The following MTCL1 variants were observed in gnomAD, a reference collection of about 807,000 sequenced individuals.
MTCL1 encodes the protein microtubule cross-linking factor 1.
Under a neutral mutation model 141.4 loss-of-function variants are expected in MTCL1, and 79 were observed. The ratio of observed to expected loss-of-function variants is 0.56; its 90% confidence interval spans 0.47 to 0.67. The LOEUF is 0.67. MTCL1 is among the 30% of genes least tolerant of loss of function. The pLI, the probability that MTCL1 is intolerant of heterozygous loss-of-function variation, is 0.00. For synonymous variants in MTCL1, 914 were observed against 875.8 expected, an observed-to-expected ratio of 1.04 and a Z score of -0.77; for missense variants, 2,177 against 2,113.9, an observed-to-expected ratio of 1.03 and a Z score of -0.59.
exon 15 of MTCL1, chr18:8,825,641 G>A: frequency 6.2e-7 from 1 of 1,613,946 alleles, no homozygotes; most frequent in East Asian, 2.2e-5. Context: ...TCGAGAAGGT[G>A]CAGGCCAAGT....
At chr18:8,755,433 A>G (rs1413276496) in intron 4 of MTCL1, among the ~76,000 whole-genome samples, 2 of 152,196 alleles carry the variant, frequency 1.3e-5, no homozygotes, top group East Asian at 3.8e-4. Context: ...CCAGTCTTGC[A>G]GCGTGTGTGA....
chr18:8,825,212 G>A (rs763884834), exon 15 of MTCL1: 4 of 1,595,574 alleles, frequency 2.5e-6, no homozygotes, highest in South Asian at 1.1e-5. Flanking sequence ...CAGAACCCAT[G>A]CTCAGCAGGT....
In MTCL1 at chr18:8,810,508, T is replaced by C. The variant is rs1185739830; in HGVS notation, c.2605-2471T>C. Among the ~76,000 whole-genome samples the C allele has an allele frequency of 6.6e-6, 1 of 151,906 alleles. No individual in the cohort carries two copies. ...TCTTCACAAAGCGGGTGAGCAGAAG[T>C]GATGTGGGGCCCAGGAAGGGGTACG... On this transcript the variant is annotated intron_variant, in intron 11 of 16. Transcript: ENST00000359865. The surrounding 1 kb of genome is among the most constrained non-coding windows in gnomAD (Gnocchi z 5.0).
intron 4 of MTCL1, among the ~76,000 whole-genome samples, chr18:8,729,079 T>C (rs1275631031): frequency 6.6e-6 from 1 of 151,954 alleles, no homozygotes; most frequent in Non-Finnish European, 1.5e-5. Context: ...AAGGTCTTGC[T>C]GTCTCCCAGG....
chr18:8,827,497 C>A (rs2077063475), intron 15 of MTCL1, among the ~76,000 whole-genome samples: 1 of 152,214 alleles, frequency 6.6e-6, no homozygotes, highest in South Asian at 2.1e-4. Flanking sequence ...AGATCTGAGT[C>A]TTTGTGATAA....
chr18:8,818,905 A>G, intron 12 of MTCL1, 58 bp from the exon 12 acceptor site: 1 of 1,520,832 alleles, frequency 6.6e-7, no homozygotes, highest in East Asian at 2.3e-5. Context: ...CGATGTTCTT[A>G]GGGAGACCAT....
chr18:8,744,514 TCTC>T (rs773169353), intron 4 of MTCL1, among the ~76,000 whole-genome samples: 28 of 152,332 alleles, frequency 1.8e-4, no homozygotes, highest in Non-Finnish European at 3.1e-4. Flanking sequence ...GATAAAAACT[TCTC>T]CTGGTTTTCA....
chr18:8,711,128 G>C (rs1409034628), intron 1 of MTCL1, among the ~76,000 whole-genome samples: 217 of 136,844 alleles, frequency 1.6e-3, no homozygotes, highest in South Asian at 2.4e-3. Context: ...CTATGAGTGA[G>C]AATATGCGGT....
chr18:8,784,931 A>G, intron 6 of MTCL1, 88 bp downstream of exon 5: 6 of 1,215,862 alleles, frequency 4.9e-6, no homozygotes, highest in East Asian at 2.5e-5. Flanking sequence ...CACGCTGCTC[A>G]CGGCTGCTTG....
At chr18:8,717,933 T>C in exon 2 of MTCL1, 2 of 998,562 alleles carry the variant, frequency 2.0e-6, no homozygotes, top group African/African-American at 1.7e-5. Flanking sequence ...AGATGCGTCT[T>C]GTGGAACAGA....
exon 7 of MTCL1, chr18:8,786,054 G>A (rs1376403241): frequency 1.3e-6 from 2 of 1,595,668 alleles, no homozygotes; most frequent in East Asian, 2.3e-5. Context: ...GACACCGGGA[G>A]CCACGGGCTG....
At chr18:8,713,970 A>G (rs1389676467), upstream of MTCL1, among the ~76,000 whole-genome samples, 1 of 152,172 alleles carries the variant, frequency 6.6e-6, no homozygotes, top group African/African-American at 2.4e-5. Context: ...AGGGGCACGG[A>G]TATCTTTACC....
upstream of MTCL1, among the ~76,000 whole-genome samples, chr18:8,717,069 C>T (rs144110805): frequency 5.7e-3 from 873 of 152,332 alleles, 12 homozygotes; most frequent in Non-Finnish European, 7.7e-3. Flanking sequence ...TAAGTGTTCA[C>T]TGGCGCACCT....
Position 8,765,898 on chromosome 18 carries a change from T to A in MTCL1, c.358-11935T>A, listed in dbSNP as rs369820182. 2.0e-5 allele frequency among the ~76,000 whole-genome samples: 3 copies of A among 152,184 alleles called. No homozygotes were observed. In the South Asian group the frequency reaches 6.2e-4, roughly 32 times the overall value. On this transcript the variant is annotated intron_variant, in intron 4 of 16. Coordinates refer to ENST00000359865, the Ensembl canonical transcript of MTCL1. ...AAACAGAGCTCCCTGACTGGGCCTC[T>A]TTCCTTCTGTCCACTCAGAAACCAT...
chr18:8,730,153 G>T (rs1024360854), intron 4 of MTCL1, among the ~76,000 whole-genome samples: 1 of 151,996 alleles, frequency 6.6e-6, no homozygotes, highest in Non-Finnish European at 1.5e-5. Context: ...CTGTTCCATT[G>T]ATCTCTGCCA....
intron 4 of MTCL1, among the ~76,000 whole-genome samples, chr18:8,772,121 T>A (rs945216345): frequency 6.6e-6 from 1 of 152,258 alleles, no homozygotes; most frequent in Non-Finnish European, 1.5e-5. Context: ...GCACAGTGAT[T>A]GTTCCTCATG....
At chr18:8,775,554 C>CA (rs951045761) in intron 4 of MTCL1, among the ~76,000 whole-genome samples, 1 of 151,796 alleles carries the variant, frequency 6.6e-6, no homozygotes, top group Admixed American at 6.6e-5. Flanking sequence ...GCCTGGGCGA[C>CA]AGAGAAAGAT....
chr18:8,806,561 CA>C (rs2076302871), intron 10 of MTCL1, among the ~76,000 whole-genome samples: 1 of 152,134 alleles, frequency 6.6e-6, no homozygotes, highest in Admixed American at 6.5e-5. Flanking sequence ...TCCTGCTCCT[CA>C]GGGCCCACAG....
At chr18:8,784,897 C>T (rs935271262) in intron 6 of MTCL1, 54 bp downstream of exon 5, 187 of 1,458,916 alleles carry the variant, frequency 1.3e-4, no homozygotes, top group East Asian at 4.6e-4. Context: ...TCCTCCTTCT[C>T]GCTGGCATTG....
Sources: allele counts gnomAD v4.1 joint callset (sites outside exome capture counted in the v4.1 genomes callset), GRCh38; gene constraint gnomAD v4.1.1; non-coding constraint Gnocchi (gnomAD v3.1); transcripts MANE v1.5; gene names NCBI Gene and HGNC (gene_info 2026-07-23, HGNC 2026-07-21).